Variants in CNBD1 observed in about 807,000 individuals in gnomAD.
CNBD1 encodes the protein cyclic nucleotide-binding domain-containing protein 1.
A neutral mutation model predicts 54.4 loss-of-function variants in CNBD1; 71 were observed. The ratio of observed to expected loss-of-function variants is 1.30; its 90% CI spans 1.08 to 1.59. The LOEUF is 1.59. CNBD1 is among the 40% of genes most tolerant of loss of function. The probability of loss-of-function intolerance (pLI) is 0.00; values close to 1 mark genes in which losing one functional copy is unlikely to be tolerated. For synonymous variants in CNBD1, 182 were observed against 170.7 expected (o/e 1.07, Z -0.51); for missense variants, 659 against 518.0 (o/e 1.27, Z -2.64).
chr8:87,299,517 A>ATAAG (rs1808943779), intron 8 of CNBD1, among the ~76,000 whole-genome samples: 1 of 152,216 alleles, frequency 6.6e-6, no homozygotes, highest in Non-Finnish European at 1.5e-5. Context: ...TGTAAATGAA[A>ATAAG]TAAGTCTTTG....
chr8:86,870,791 TAAAGAAACCAAGTTTAAGGA>T (rs1385082574), intron 1 of CNBD1, among the ~76,000 whole-genome samples: 4 of 151,972 alleles, frequency 2.6e-5, no homozygotes, highest in Non-Finnish European at 5.9e-5. Flanking sequence ...GTATAATGTA[TAAAGAAACCAAGTTTAAGGA>T]AAAGAAAGAA....
At position 87,082,320 on chromosome 8, in the gene CNBD1, C is replaced by T. The variant is rs187317238; in HGVS notation, c.432-123673C>T. Among the ~76,000 whole-genome samples the T allele has an allele frequency of 2.1e-3, 323 of 152,266 alleles. 5 individuals carry two copies. The highest frequency in any genetic ancestry group is 7.2e-3 in the African/African-American group (298 of 41,542). ...TACCTACCCAAATCCTATAAAACTG[C>T]CCCACCCCTATCTCCCTTTGCTGAC... On this transcript the variant is annotated intron_variant, in intron 4 of 10. Transcript: ENST00000518476.
intron 4 of CNBD1, among the ~76,000 whole-genome samples, chr8:87,029,313 T>G (rs1263326782): frequency 6.6e-6 from 1 of 152,168 alleles, no homozygotes; most frequent in Non-Finnish European, 1.5e-5. Flanking sequence ...AGCAAACAAG[T>G]AAACAACAAA....
chr8:86,937,630 G>A (rs1278601373), intron 3 of CNBD1, among the ~76,000 whole-genome samples: 1 of 152,104 alleles, frequency 6.6e-6, no homozygotes, highest in Non-Finnish European at 1.5e-5. Flanking sequence ...CTGAAGCAAC[G>A]GTTTGACCTC....
chr8:87,024,670 T>G (rs898162222), intron 4 of CNBD1, among the ~76,000 whole-genome samples: 1 of 152,136 alleles, frequency 6.6e-6, no homozygotes, highest in African/African-American at 2.4e-5. Context: ...TAAAAAAAAG[T>G]AATTGATTAT....
chr8:87,312,707 TG>T (rs1809294209), intron 8 of CNBD1, among the ~76,000 whole-genome samples: 1 of 152,010 alleles, frequency 6.6e-6, no homozygotes, highest in Non-Finnish European at 1.5e-5. Context: ...TATTTCGAGG[TG>T]TTTTTTTAAA....
chr8:86,934,650 C>T (rs1017918865), intron 3 of CNBD1, among the ~76,000 whole-genome samples: 4 of 152,122 alleles, frequency 2.6e-5, no homozygotes, highest in South Asian at 4.1e-4. Context: ...AGTTTCATTT[C>T]TCTTTCTAGT....
At chr8:87,382,549 C>A (rs534695721) in intron 10 of CNBD1, 71 bp from the exon 11 acceptor site, 4 of 1,257,356 alleles carry the variant, frequency 3.2e-6, no homozygotes, top group Non-Finnish European at 4.5e-6. Flanking sequence ...GGGTTCTATT[C>A]TGTAGGAAAA....
chr8:87,399,272 T>A (rs756651652), intron 2 of CNBD1, among the ~76,000 whole-genome samples: 17 of 152,020 alleles, frequency 1.1e-4, no homozygotes, highest in Non-Finnish European at 2.2e-4. Context: ...AAATATGTGC[T>A]TGTCGTGAGG....
In CNBD1 at chr8:87,397,873, T is replaced by C. The variant is rs116564528; in HGVS notation, c.214-30673T>C. On this transcript the variant is annotated intron_variant, in intron 2 of 7. Transcript: ENST00000521593. Reference sequence around the variant, plus strand: ...CATGATAGTGAATGGGTCTCACAGATGTGATGGTTTCAAAAATGAGAGTTT... The same window carrying C: ...CATGATAGTGAATGGGTCTCACAGACGTGATGGTTTCAAAAATGAGAGTTT... Among the ~76,000 whole-genome samples the C allele has an allele frequency of 9.7e-3, 1,476 of 152,072 alleles. 21 individuals are homozygous for C. Among genetic ancestry groups the C allele is most frequent in the African/African-American group, 0.033 (1,358 of 41,520 alleles).
chr8:87,267,782 A>G (rs1808291994), intron 6 of CNBD1, among the ~76,000 whole-genome samples: 1 of 151,922 alleles, frequency 6.6e-6, no homozygotes, highest in Non-Finnish European at 1.5e-5. Flanking sequence ...GGCCCAAAGT[A>G]ATTCATTTTA....
rs190817800 is a variant in CNBD1, at chr8:87,424,689, C to A, written c.214-3857C>A. Among the ~76,000 whole-genome samples, 579 of 152,254 alleles carry A rather than the reference C, an allele frequency of 3.8e-3. 20 individuals carry two copies. The highest frequency in any genetic ancestry group is 0.03 in the Admixed American group (461 of 15,292). ...CTTGTACGGTTTCTGCCAAGAGATC[C>A]GCTGTTAGTCTGATGGGCTTCCCTT... On this transcript the variant is annotated intron_variant, in intron 2 of 7. Coordinates refer to the CNBD1 transcript ENST00000521593.
chr8:86,939,570 A>G (rs112859501), intron 3 of CNBD1, 26 bp from the exon 4 acceptor site: 5 of 1,535,714 alleles, frequency 3.3e-6, no homozygotes, highest in African/African-American at 1.4e-5. Context: ...ATACAACAGC[A>G]TAAAATACTA....
intron 6 of CNBD1, among the ~76,000 whole-genome samples, chr8:87,256,515 C>A (rs1169602376): frequency 6.6e-6 from 1 of 151,898 alleles, no homozygotes; most frequent in Non-Finnish European, 1.5e-5. Context: ...AAGACTGATA[C>A]AGATGAAGTG....
intron 4 of CNBD1, among the ~76,000 whole-genome samples, chr8:87,142,874 G>A (rs560255641): frequency 3.9e-5 from 5 of 129,720 alleles, no homozygotes; most frequent in South Asian, 2.8e-4. Context: ...TGAGATTTTC[G>A]TGTGTCTGTG....
In CNBD1 at chr8:87,132,979, T is replaced by C. The variant is rs372725540; in HGVS notation, c.432-73014T>C. Among the ~76,000 whole-genome samples, 14 of 151,774 alleles carry C rather than the reference T, an allele frequency of 9.2e-5. No homozygotes were observed. In the East Asian group the frequency reaches 2.7e-3, roughly 29 times the overall value. On this transcript the variant is annotated intron_variant, in intron 4 of 10. Transcript: ENST00000518476. ...CTTTCTCTAAATTGAACAATATTTA[T>C]TGAGCTCTCTTCAAGCCCACTGTTT...
At chr8:87,255,095 C>G (rs1293148162) in intron 6 of CNBD1, among the ~76,000 whole-genome samples, 1 of 151,952 alleles carries the variant, frequency 6.6e-6, no homozygotes, top group African/African-American at 2.4e-5. Flanking sequence ...CTGTAGAGGA[C>G]AAGTCTGTCT....
chr8:87,118,294 G>T (rs535339852), intron 4 of CNBD1, among the ~76,000 whole-genome samples: 1 of 123,660 alleles, frequency 8.1e-6, no homozygotes, highest in Non-Finnish European at 1.6e-5. Flanking sequence ...CAGCCTGGGC[G>T]ACAGAGCGAG....
At chr8:87,197,079 C>T (rs1189547562) in intron 4 of CNBD1, among the ~76,000 whole-genome samples, 6 of 152,054 alleles carry the variant, frequency 3.9e-5, no homozygotes, top group Non-Finnish European at 8.8e-5. Context: ...GTCTGGATAA[C>T]TCATAATAAG....
Sources: gnomAD v4.1 joint callset for allele counts (sites outside exome capture counted in the v4.1 genomes callset) on GRCh38, gnomAD v4.1.1 for gene constraint, MANE v1.5 for transcripts, NCBI Gene and HGNC (gene_info 2026-07-23, HGNC 2026-07-21) for gene names.